Variants in ATP6V0A4 observed in about 807,000 individuals in gnomAD.
ATP6V0A4 encodes ATPase H+ transporting V0 subunit a4.
A neutral mutation model predicts 107.3 loss-of-function variants in ATP6V0A4; 86 were observed. The observed-to-expected ratio is 0.80, with a 90% CI of 0.67 to 0.96. ATP6V0A4 has a LOEUF of 0.96. Ranked by LOEUF, ATP6V0A4 falls within the 40% of genes least tolerant of loss-of-function variation. The pLI, the probability that ATP6V0A4 is intolerant of heterozygous loss-of-function variation, is 0.00. For missense variants in ATP6V0A4, 908 were observed against 1,045.6 expected (o/e 0.87, Z 1.81); for synonymous variants, 353 against 381.4 (o/e 0.93, Z 0.87).
intron 18 of ATP6V0A4, among the ~76,000 whole-genome samples, chr7:138,723,684 C>T (rs1804555913): frequency 6.6e-6 from 1 of 151,856 alleles, no homozygotes; most frequent in African/African-American, 2.4e-5. Flanking sequence ...CACCACCACG[C>T]CCAGCTAATT....
At chr7:138,712,733 G>A (rs548576984) in intron 20 of ATP6V0A4, among the ~76,000 whole-genome samples, 4 of 151,550 alleles carry the variant, frequency 2.6e-5, no homozygotes, top group African/African-American at 9.7e-5. Flanking sequence ...TGGGTTTTTA[G>A]GAATCAAATG....
intron 7 of ATP6V0A4, among the ~76,000 whole-genome samples, chr7:138,762,023 A>G (rs1182823640): frequency 1.3e-5 from 2 of 152,194 alleles, no homozygotes; most frequent in African/African-American, 4.8e-5. Context: ...ATAAGTCCCC[A>G]TAGCCTTGTT....
At chr7:138,776,778 C>T (rs1807677372) in intron 2 of ATP6V0A4, among the ~76,000 whole-genome samples, 1 of 152,224 alleles carries the variant, frequency 6.6e-6, no homozygotes, top group South Asian at 2.1e-4. Flanking sequence ...ATTTACCATG[C>T]GTGACCTTGG....
chr7:138,784,413 G>C (rs1331530308), intron 2 of ATP6V0A4, among the ~76,000 whole-genome samples: 1 of 149,676 alleles, frequency 6.7e-6, no homozygotes, highest in Non-Finnish European at 1.5e-5. Flanking sequence ...CCGTCTCCTG[G>C]GTTCACGCCA....
chr7:138,753,832 G>A (rs1438735579), intron 10 of ATP6V0A4, among the ~76,000 whole-genome samples: 1 of 152,122 alleles, frequency 6.6e-6, no homozygotes, highest in Non-Finnish European at 1.5e-5. Flanking sequence ...CAGCACAGAG[G>A]TGACTTTCAG....
chr7:138,726,228 A>G (rs886229920), intron 18 of ATP6V0A4, among the ~76,000 whole-genome samples: 5 of 151,992 alleles, frequency 3.3e-5, no homozygotes, highest in Non-Finnish European at 5.9e-5. Flanking sequence ...TGACCTTGTG[A>G]TCCGCCCGCC....
rs141411124 is a variant in ATP6V0A4 at position 138,728,815 on chromosome 7, C to T, written c.1956G>A (p.Pro652=). The change falls in exon 18 of 22, where the codon CCG becomes CCA. Residue 652 remains proline, a synonymous_variant. Coordinates refer to ENST00000310018, the MANE Select transcript of ATP6V0A4 (RefSeq NM_020632.3). ...FFVVMALISV[P]WMLLIKPFIL... Reference sequence around the variant, plus strand: ...TAAACGGCTTAATCAGAAGCATCCACGGCACAGAAATCAAAGCCATAACCA... The same window carrying T: ...TAAACGGCTTAATCAGAAGCATCCATGGCACAGAAATCAAAGCCATAACCA... 5.8e-4 allele frequency: 944 copies of T among 1,614,144 alleles called. 5 individuals carry two copies. In the East Asian group the frequency reaches 0.012, roughly 20 times the overall value.
intron 11 of ATP6V0A4, among the ~76,000 whole-genome samples, chr7:138,750,190 C>G (rs188888325): frequency 2.0e-5 from 3 of 152,308 alleles, no homozygotes; most frequent in African/African-American, 7.2e-5. Flanking sequence ...CTTCCCCACG[C>G]TTCCCCATGG....
chr7:138,793,464 T>C lies in ATP6V0A4; in HGVS notation c.-121+4570A>G, dbSNP rs148279088. 5.3e-5 allele frequency among the ~76,000 whole-genome samples: 8 copies of C among 152,298 alleles called. No individual in the cohort carries two copies. In the East Asian group the frequency reaches 9.6e-4, roughly 18 times the overall value. On this transcript the variant is annotated intron_variant, in intron 1 of 21. Transcript: ENST00000310018. ...GAAGAAAGAAACCCGCAATCATCTC[T>C]GTATTCAACAGAATAATTAGACCAA...
intron 5 of ATP6V0A4, among the ~76,000 whole-genome samples, chr7:138,763,589 C>G (rs188945151): frequency 2.6e-5 from 4 of 152,250 alleles, no homozygotes; most frequent in East Asian, 3.9e-4. Flanking sequence ...GATCGTGCCA[C>G]TGCACTCTAG....
intron 2 of ATP6V0A4, among the ~76,000 whole-genome samples, chr7:138,779,341 C>T (rs568282481): frequency 6.6e-6 from 1 of 150,460 alleles, no homozygotes; most frequent in East Asian, 1.9e-4. Flanking sequence ...AAGTGAGACC[C>T]TATCTTAAAA....
chr7:138,759,647 T>C (rs73166958), intron 8 of ATP6V0A4, 105 bp downstream of exon 8: 12 of 1,201,948 alleles, frequency 1.0e-5, no homozygotes, highest in South Asian at 2.5e-5. Context: ...AAATAGATAT[T>C]AGTCTCATCA....
chr7:138,742,653 TA>T (rs1562995430), intron 14 of ATP6V0A4, among the ~76,000 whole-genome samples: 1 of 151,538 alleles, frequency 6.6e-6, no homozygotes, highest in African/African-American at 2.4e-5. Flanking sequence ...GCCTCCCAAG[TA>T]GCTGGAAGCA....
chr7:138,756,437 G>C (rs1469139238), intron 9 of ATP6V0A4, 21 bp downstream of exon 9: 1 of 1,612,788 alleles, frequency 6.2e-7, no homozygotes. Context: ...ACTGAAGAAA[G>C]AGCCATTCAC....
chr7:138,757,009 G>A (rs1177506259), intron 8 of ATP6V0A4, among the ~76,000 whole-genome samples: 1 of 152,140 alleles, frequency 6.6e-6, no homozygotes, highest in African/African-American at 2.4e-5. Flanking sequence ...CATACATACA[G>A]TTGCTCAGAT....
intron 18 of ATP6V0A4, among the ~76,000 whole-genome samples, chr7:138,724,775 C>T (rs1804624182): frequency 6.6e-6 from 1 of 152,166 alleles, no homozygotes; most frequent in Non-Finnish European, 1.5e-5. Flanking sequence ...CTACCCTTTT[C>T]TGCTCATTAT....
At chr7:138,761,091 G>A (rs1806785393) in intron 7 of ATP6V0A4, among the ~76,000 whole-genome samples, 1 of 152,006 alleles carries the variant, frequency 6.6e-6, no homozygotes, top group Non-Finnish European at 1.5e-5. Context: ...GGGATTATAG[G>A]CATAAGCCAC....
intron 15 of ATP6V0A4, among the ~76,000 whole-genome samples, chr7:138,737,115 A>ATATATATATAT (rs540225443): frequency 0.019 from 1,636 of 86,504 alleles, 253 homozygotes; most frequent in Non-Finnish European, 0.023. Flanking sequence ...AGCCCTTATT[A>ATATATATATAT]ATATATATAT....
intron 2 of ATP6V0A4, among the ~76,000 whole-genome samples, chr7:138,782,703 G>A (rs576410767): frequency 2.0e-5 from 3 of 152,308 alleles, no homozygotes; most frequent in African/African-American, 7.2e-5. Flanking sequence ...TGGGGACCCC[G>A]TGGATCCACT....
Sources: gnomAD v4.1 joint callset for allele counts (sites outside exome capture counted in the v4.1 genomes callset) on GRCh38, gnomAD v4.1.1 for gene constraint, MANE v1.5 for transcripts, NCBI Gene and HGNC (gene_info 2026-07-23, HGNC 2026-07-21) for gene names.